CAMKMT: variants seen among roughly 807,000 people sequenced by gnomAD.
CAMKMT encodes the protein calmodulin-lysine N-methyltransferase, also known as CaM KMT.
Under a neutral mutation model 48.0 loss-of-function variants are expected in CAMKMT, and 53 were observed. The observed-to-expected ratio is 1.10, with a 90% confidence interval of 0.89 to 1.39. The LOEUF is 1.39. Ranked by LOEUF, CAMKMT falls within the 40% of genes most tolerant of loss-of-function variation. The pLI is 0.00. For synonymous variants in CAMKMT, 165 were observed against 152.3 expected (o/e 1.08, Z -0.61); for missense variants, 428 against 402.7 (o/e 1.06, Z -0.54).
intron 3 of CAMKMT, among the ~76,000 whole-genome samples, chr2:44,468,274 A>C (rs966387271): frequency 6.6e-6 from 1 of 152,238 alleles, no homozygotes; most frequent in African/African-American, 2.4e-5. Context: ...GTCATCAGGA[A>C]AGTATAAATC....
intron 3 of CAMKMT, among the ~76,000 whole-genome samples, chr2:44,548,938 A>G (rs921595760): frequency 1.3e-5 from 2 of 152,140 alleles, no homozygotes; most frequent in African/African-American, 2.4e-5. Flanking sequence ...GCCATACCAG[A>G]CTTCTGACCT....
At chr2:44,367,371 T>C (rs1224553363) in intron 1 of CAMKMT, among the ~76,000 whole-genome samples, 1 of 152,258 alleles carries the variant, frequency 6.6e-6, no homozygotes, top group Non-Finnish European at 1.5e-5. Flanking sequence ...CTTGACCTCA[T>C]GTGACAAGTC....
intron 6 of CAMKMT, among the ~76,000 whole-genome samples, chr2:44,709,883 A>T (rs1183762041): frequency 6.6e-6 from 1 of 152,162 alleles, no homozygotes; most frequent in Non-Finnish European, 1.5e-5. Context: ...GCTGCTAATT[A>T]TTCTTAATGG....
chr2:44,510,584 A>G (rs1670489695), intron 3 of CAMKMT, among the ~76,000 whole-genome samples: 1 of 152,138 alleles, frequency 6.6e-6, no homozygotes, highest in South Asian at 2.1e-4. Flanking sequence ...GACTATACAA[A>G]TATCCCATTT....
chr2:44,418,212 A>G (rs1683698448), intron 3 of CAMKMT, among the ~76,000 whole-genome samples: 1 of 151,408 alleles, frequency 6.6e-6, no homozygotes, highest in African/African-American at 2.4e-5. Context: ...AAAAAAAAGA[A>G]TTGTAAGAGC....
rs796094902 is a variant in CAMKMT, at chr2:44,542,537, ACTCTCTCT to A, written c.376+152245_376+152252del. 8.8e-5 allele frequency among the ~76,000 whole-genome samples: 6 copies of A among 67,888 alleles called. No individual in the cohort carries two copies. In the South Asian group the frequency reaches 2.8e-3, roughly 32 times the overall value. 44.5% of individuals were successfully genotyped at this position (67,888 alleles called of 152,430 possible). A position where few individuals can be genotyped will look rare whatever the true frequency, so the allele number is the denominator to read the frequency against. On this transcript the variant is annotated intron_variant, in intron 3 of 10. Transcript: ENST00000378494. The stretch of plus-strand genomic sequence containing the variant: ...CACACACACACACACACACACACAC[ACTCTCTCT>A]CTCTCTCTCTCTTTCTCTCTCCATA...
chr2:44,426,459 C>G (rs1399486499), intron 3 of CAMKMT, among the ~76,000 whole-genome samples: 1 of 152,176 alleles, frequency 6.6e-6, no homozygotes, highest in African/African-American at 2.4e-5. Flanking sequence ...TGCTCAAAGA[C>G]TCCTAGACCT....
At chr2:44,590,155 C>G (rs1670173101) in intron 3 of CAMKMT, among the ~76,000 whole-genome samples, 1 of 151,740 alleles carries the variant, frequency 6.6e-6, no homozygotes, top group African/African-American at 2.4e-5. Flanking sequence ...GCTAGAACCT[C>G]TAGTATAGTG....
intron 3 of CAMKMT, among the ~76,000 whole-genome samples, chr2:44,517,436 C>T (rs1670888350): frequency 6.6e-6 from 1 of 152,120 alleles, no homozygotes; most frequent in Non-Finnish European, 1.5e-5. Context: ...AAGGGGTGTG[C>T]TGTTGTGAGT....
At chr2:44,555,972 T>G (rs1667983875) in intron 3 of CAMKMT, among the ~76,000 whole-genome samples, 1 of 151,532 alleles carries the variant, frequency 6.6e-6, no homozygotes, top group Non-Finnish European at 1.5e-5. Flanking sequence ...GGCTAAGGGG[T>G]GAGTGAATGG....
At chr2:44,764,872 G>A (rs1358004599) in intron 9 of CAMKMT, among the ~76,000 whole-genome samples, 2 of 152,084 alleles carry the variant, frequency 1.3e-5, no homozygotes, top group Non-Finnish European at 2.9e-5. Flanking sequence ...ATCAGTGCTG[G>A]GGCTTCTGAT....
intron 3 of CAMKMT, among the ~76,000 whole-genome samples, chr2:44,568,932 A>C (rs1668760829): frequency 6.6e-6 from 1 of 152,176 alleles, no homozygotes; most frequent in Non-Finnish European, 1.5e-5. Flanking sequence ...TCCAAGTTAC[A>C]AGGGTCAAGT....
At chr2:44,445,645 GTTTTTTTTTTTTTTTTTTTTTTTTTTT>G (rs869258613) in intron 3 of CAMKMT, among the ~76,000 whole-genome samples, 70 of 101,428 alleles carry the variant, frequency 6.9e-4, no homozygotes, top group Middle Eastern at 4.7e-3. Flanking sequence ...CAAAAGGGTA[GTTTTTTTTTTTTTTTTTTTTTTTTTTT>G]TTTTTTTTTT....
At chr2:44,525,476 G>A (rs1293944707) in intron 3 of CAMKMT, among the ~76,000 whole-genome samples, 1 of 152,056 alleles carries the variant, frequency 6.6e-6, no homozygotes, top group Non-Finnish European at 1.5e-5. Flanking sequence ...GGATGGTCTC[G>A]ATCTCCTGAC....
intron 3 of CAMKMT, among the ~76,000 whole-genome samples, chr2:44,691,236 G>T (rs1359331619): frequency 6.6e-6 from 1 of 152,152 alleles, no homozygotes; most frequent in South Asian, 2.1e-4. Context: ...CTTTTTCTCA[G>T]CAGTGCTTCC....
rs141844208 is a variant in CAMKMT, at chr2:44,502,444, T to C, written c.376+112139T>C. Among the ~76,000 whole-genome samples the C allele has an allele frequency of 1.1e-3, 174 of 152,286 alleles. 1 individual carries two copies. The highest frequency in any genetic ancestry group is 3.8e-3 in the African/African-American group (160 of 41,572). On this transcript the variant is annotated intron_variant, in intron 3 of 10. Transcript: ENST00000378494. ...CCATGCCCTTGTACCCTTTTAACTT[T>C]CTTTAAAAATGGCCAGTGCTTTATT... is the stretch of plus-strand genomic sequence containing the variant.
At chr2:44,472,732 A>G (rs1295809646) in intron 3 of CAMKMT, among the ~76,000 whole-genome samples, 1 of 152,206 alleles carries the variant, frequency 6.6e-6, no homozygotes, top group Non-Finnish European at 1.5e-5. Flanking sequence ...CCCAGAAAAT[A>G]GCATTCTGGA....
intron 2 of CAMKMT, among the ~76,000 whole-genome samples, chr2:44,381,616 A>G (rs977045916): frequency 1.3e-5 from 2 of 152,236 alleles, no homozygotes; most frequent in Admixed American, 6.5e-5. Flanking sequence ...TGGTGCAGAC[A>G]TCCATTGAAC....
At chr2:44,482,291 G>A (rs1396182687) in intron 3 of CAMKMT, among the ~76,000 whole-genome samples, 2 of 152,018 alleles carry the variant, frequency 1.3e-5, no homozygotes, top group African/African-American at 4.8e-5. Flanking sequence ...TGTACGTATT[G>A]TACATATGAC....
Sources: allele counts gnomAD v4.1 joint callset (sites outside exome capture counted in the v4.1 genomes callset), GRCh38; gene constraint gnomAD v4.1.1; transcripts MANE v1.5; gene names NCBI Gene and HGNC (gene_info 2026-07-23, HGNC 2026-07-21).